TMEM53: variants seen among roughly 807,000 people sequenced by gnomAD.
TMEM53 encodes transmembrane protein 53, also known as novel DUF829 domain-containing protein.
TMEM53 carries 14 observed loss-of-function variants against 21.4 expected under a neutral mutation model. The ratio of observed to expected loss-of-function variants is 0.65; its 90% CI spans 0.43 to 1.02. The LOEUF is 1.02. Ranked by LOEUF, TMEM53 falls within the 50% of genes least tolerant of loss-of-function variation. TMEM53 has a pLI of 0.00. For missense variants in TMEM53, 323 were observed against 383.6 expected, an observed-to-expected ratio of 0.84 and a Z score of 1.32; for synonymous variants, 148 against 157.4, an observed-to-expected ratio of 0.94 and a Z score of 0.45.
chr1:44,667,026 A>G (rs1156562152), intron 1 of TMEM53, among the ~76,000 whole-genome samples: 1 of 151,954 alleles, frequency 6.6e-6, no homozygotes, highest in Non-Finnish European at 1.5e-5. Context: ...TATTTTTTGT[A>G]GAGACAGGGT....
chr1:44,655,027 G>A lies in TMEM53; in HGVS notation c.366C>T (p.Tyr122=), dbSNP rs538859572. The A allele has an allele frequency of 1.5e-5, 25 of 1,614,116 alleles. No homozygotes were observed. Among genetic ancestry groups the A allele is most frequent in the South Asian group, 1.1e-4 (10 of 91,072 alleles). The change falls in exon 3 of 3, where the codon TAC becomes TAT. Residue 122 remains tyrosine, a synonymous_variant. Coordinates refer to ENST00000372237, the MANE Select transcript of TMEM53 (RefSeq NM_024587.4). This position sits in a 1 kb window ranked among gnomAD's most constrained non-coding sequence, Gnocchi z 4.4. ...GACGGGTCTGCAGGAGCTCCAGCAC[G>A]TAGCGGTACAGCATGACGCCACCGT... is the stretch of plus-strand genomic sequence containing the variant. ...FSNGGVMLYR[Y]VLELLQTRRF...
In TMEM53 at chr1:44,670,632, G is replaced by A. The variant is rs185557656; in HGVS notation, c.61+3699C>T. On this transcript the variant is annotated intron_variant, in intron 1 of 2. Coordinates refer to ENST00000372237, the MANE Select transcript of TMEM53 (RefSeq NM_024587.4). ...TCCTGGGTGTCCGAGACAACTTCCT[G>A]AGGGTTAAAATGATGTCTATATTTC... Among the ~76,000 whole-genome samples, 83 of 152,292 alleles carry A rather than the reference G, an allele frequency of 5.5e-4. 1 individual carries two copies. Among genetic ancestry groups the A allele is most frequent in the South Asian group, 4.1e-3 (20 of 4,824 alleles).
intron 1 of TMEM53, among the ~76,000 whole-genome samples, chr1:44,663,384 G>A (rs1232693803): frequency 6.6e-6 from 1 of 152,150 alleles, no homozygotes; most frequent in Non-Finnish European, 1.5e-5. Flanking sequence ...GGGACTATAG[G>A]TGCCCACCAC....
chr1:44,668,961 A>C (rs1421829380), intron 1 of TMEM53, among the ~76,000 whole-genome samples: 4 of 152,250 alleles, frequency 2.6e-5, no homozygotes, highest in African/African-American at 9.6e-5. Flanking sequence ...CTGCCACTTA[A>C]TAACTATGAC....
Position 44,655,160 on chromosome 1 carries a change from G to C in TMEM53, c.233C>G (p.Ser78Cys). ...YTAPWHMVFF[S>C]ESLGIPSLRV... The stretch of plus-strand genomic sequence containing the variant: ...AAGTGAAGGGATACCCAGTGACTCG[G>C]AGAAGAAGACCATGTGCCACGGGGC... Residue 78 changes from serine to cysteine, a missense_variant, in exon 3 of 3, where the codon TCC becomes TGC. Transcript: ENST00000372237. This position sits in a 1 kb window ranked among gnomAD's most constrained non-coding sequence, Gnocchi z 4.4. 6.2e-7 allele frequency: 1 copy of C among 1,613,754 alleles called. No individual in the cohort carries two copies. The highest frequency in any genetic ancestry group is 1.7e-5 in the Admixed American group (1 of 59,966).
chr1:44,657,705 T>C (rs1213702136), intron 2 of TMEM53, among the ~76,000 whole-genome samples: 1 of 151,304 alleles, frequency 6.6e-6, no homozygotes, highest in African/African-American at 2.4e-5. Context: ...GCCTGGCTAA[T>C]TGTTTCAATT....
chr1:44,657,260 G>A (rs1644859116), intron 2 of TMEM53, among the ~76,000 whole-genome samples: 1 of 152,118 alleles, frequency 6.6e-6, no homozygotes, highest in African/African-American at 2.4e-5. Context: ...AAAATAACTA[G>A]ATGCAATGTG....
chr1:44,665,392 T>G (rs1270933060), intron 1 of TMEM53, among the ~76,000 whole-genome samples: 1 of 151,944 alleles, frequency 6.6e-6, no homozygotes, highest in Non-Finnish European at 1.5e-5. Context: ...ATCCCAGTAT[T>G]TTGGAAGGCC....
In TMEM53 at chr1:44,660,657, C is replaced by T. The variant is rs145258636; in HGVS notation, c.62-362G>A. On this transcript the variant is annotated intron_variant, in intron 1 of 2. Coordinates refer to ENST00000372237, the MANE Select transcript of TMEM53 (RefSeq NM_024587.4). Reference sequence around the variant, plus strand: ...CCACTGCCTATTTTTGTATGGCCTGCGAGCTAAACTAATTTTCACATTTTT... The same window carrying T: ...CCACTGCCTATTTTTGTATGGCCTGTGAGCTAAACTAATTTTCACATTTTT... 6.8e-3 allele frequency among the ~76,000 whole-genome samples: 1,040 copies of T among 152,116 alleles called. 8 individuals are homozygous for T. Among genetic ancestry groups the T allele is most frequent in the Middle Eastern group, 0.014 (4 of 294 alleles).
intron 1 of TMEM53, 127 bp from the exon 2 acceptor site, chr1:44,660,422 T>C (rs1644890259): frequency 7.4e-7 from 1 of 1,347,778 alleles, no homozygotes; most frequent in African/African-American, 1.5e-5. Flanking sequence ...CCAGGCATCC[T>C]GCCAGCACGC....
rs1208598048 is a variant in TMEM53 at position 44,674,243 on chromosome 1, G to C, written c.61+88C>G. 3 of 1,498,578 alleles carry C rather than the reference G, an allele frequency of 2.0e-6. No individual in the cohort carries two copies. The African/African-American group carries it at 4.2e-5, about 21-fold the overall frequency. 92.8% of individuals were successfully genotyped at this position (1,498,578 alleles called of 1,614,324 possible). On this transcript the variant is annotated intron_variant, in intron 1 of 2. Coordinates refer to ENST00000372237, the MANE Select transcript of TMEM53 (RefSeq NM_024587.4). The stretch of plus-strand genomic sequence containing the variant: ...GGGCGGCCCGAGGGAGGGCGGGGCC[G>C]CATGAGGGGCGGGGCTACAGCTGCG...
At position 44,660,283 on chromosome 1, in the gene TMEM53, C is replaced by T; in HGVS notation, c.74G>A (p.Ser25Asn). 1 of 1,613,588 alleles carries T rather than the reference C, an allele frequency of 6.2e-7. No homozygotes were observed. Among genetic ancestry groups the T allele is most frequent in the Non-Finnish European group, 8.5e-7 (1 of 1,179,856 alleles). The stretch of plus-strand genomic sequence containing the variant: ...AGTTTCTGCCTCCTTCCCACCTGGG[C>T]TGGGGCTGTTCTCTGAAACACAGAT... ...QPCWSQKNSP[S>N]PGGKEAETRQ... Residue 25 changes from serine (S) to asparagine (N), a missense_variant, in exon 2 of 3, where the codon AGC becomes AAC. Ser to Asn is a conservative substitution (Grantham distance 46, BLOSUM62 1). Coordinates refer to ENST00000372237, the MANE Select transcript of TMEM53 (RefSeq NM_024587.4).
At chr1:44,658,366 G>A (rs962825610) in intron 2 of TMEM53, among the ~76,000 whole-genome samples, 4 of 151,998 alleles carry the variant, frequency 2.6e-5, no homozygotes, top group African/African-American at 9.7e-5. Context: ...CTGTGCCCAT[G>A]CCCAATCTCT....
chr1:44,663,608 C>T (rs1183329287), intron 1 of TMEM53, among the ~76,000 whole-genome samples: 1 of 152,164 alleles, frequency 6.6e-6, no homozygotes, highest in Non-Finnish European at 1.5e-5. Context: ...CCCTCTTGTA[C>T]AAACTCCTCC....
At position 44,654,254 on chromosome 1, in the gene TMEM53, A is replaced by G. The variant is rs1304522972; in HGVS notation, c.*305T>C. Reference sequence around the variant, plus strand: ...CCTCAACACCCCCCTCCATTTGTCAACCTCTACAGCCTGCATGCCACAGGA... The same window carrying G: ...CCTCAACACCCCCCTCCATTTGTCAGCCTCTACAGCCTGCATGCCACAGGA... On this transcript the variant is annotated 3_prime_UTR_variant, in exon 3 of 3. Transcript: ENST00000372237. This position sits in a 1 kb window ranked among gnomAD's most constrained non-coding sequence, Gnocchi z 7.0. 1.2e-5 allele frequency: 4 copies of G among 322,274 alleles called. No individual in the cohort carries two copies. The highest frequency in any genetic ancestry group is 5.4e-5 in the East Asian group (1 of 18,604). The allele number at this position is 322,274 out of a possible 1,614,324, so 20.0% of individuals were successfully genotyped here.
chr1:44,663,075 T>C (rs1165591415), intron 1 of TMEM53, among the ~76,000 whole-genome samples: 3 of 152,216 alleles, frequency 2.0e-5, no homozygotes, highest in Non-Finnish European at 2.9e-5. Flanking sequence ...TTTTTGGAGA[T>C]AGGGTCTCGC....
At position 44,655,649 on chromosome 1, in the gene TMEM53, G is replaced by A. The variant is rs1644842730; in HGVS notation, c.184-440C>T. Among the ~76,000 whole-genome samples, 2 of 152,076 alleles carry A rather than the reference G, an allele frequency of 1.3e-5. No homozygotes were observed. Among genetic ancestry groups the A allele is most frequent in the Admixed American group, 6.5e-5 (1 of 15,272 alleles). On this transcript the variant is annotated intron_variant, in intron 2 of 2. Transcript: ENST00000372237. The surrounding 1 kb of genome is among the most constrained non-coding windows in gnomAD (Gnocchi z 4.4). ...TGTCCCAGCACCTCAGATCTGCACT[G>A]TCCCTACCTCCCAGACAGAAGTAGT... is the stretch of plus-strand genomic sequence containing the variant.
Position 44,674,441 on chromosome 1 carries a change from G to C in TMEM53, c.-50C>G. On this transcript the variant is annotated 5_prime_UTR_variant, in exon 1 of 3. Transcript: ENST00000372237. ...GGGTCTCCAGCCGGAACTCCCGCTT[G>C]CGCACCCGTGCCTCACCCGGGCGCC... is the stretch of plus-strand genomic sequence containing the variant. 1.3e-6 allele frequency: 2 copies of C among 1,576,448 alleles called. No homozygotes were observed. The highest frequency in any genetic ancestry group is 1.7e-6 in the Non-Finnish European group (2 of 1,160,306).
At chr1:44,656,776 G>A (rs1214905232) in intron 2 of TMEM53, among the ~76,000 whole-genome samples, 2 of 152,184 alleles carry the variant, frequency 1.3e-5, no homozygotes, top group Non-Finnish European at 2.9e-5. Flanking sequence ...CACTTTGGGA[G>A]GCTGAGGTGG....
Sources: allele counts gnomAD v4.1 joint callset (sites outside exome capture counted in the v4.1 genomes callset), GRCh38; gene constraint gnomAD v4.1.1; non-coding constraint Gnocchi (gnomAD v3.1); transcripts MANE v1.5; gene names NCBI Gene and HGNC (gene_info 2026-07-23, HGNC 2026-07-21).